YOD1: variants seen among roughly 807,000 people sequenced by gnomAD.
YOD1 encodes ubiquitin thioesterase OTU1.
A neutral mutation model predicts 23.7 loss-of-function variants in YOD1; 17 were observed. That is an observed-to-expected ratio of 0.72 (90% CI 0.49 to 1.07). YOD1 has a LOEUF of 1.07. Ranked by LOEUF, YOD1 falls within the 50% of genes least tolerant of loss-of-function variation. The pLI, the probability that YOD1 is intolerant of heterozygous loss-of-function variation, is 0.00. For missense variants in YOD1, 413 were observed against 447.2 expected (o/e 0.92, Z 0.69); for synonymous variants, 191 against 169.6 (o/e 1.13, Z -0.98).
At position 207,044,171 on chromosome 1, in the gene YOD1, G is replaced by A. The variant is rs1682537531; in HGVS notation, c.*4849C>T. ...CTCTAATTTGACGGTCTTTACTTGT[G>A]GTTTTCTTTTTGCGTTAGGAACCTC... On this transcript the variant is annotated 3_prime_UTR_variant, in exon 2 of 2. Coordinates refer to ENST00000315927, the MANE Select transcript of YOD1 (RefSeq NM_018566.4). 6.6e-6 allele frequency: 1 copy of A among 152,324 alleles called. No homozygotes were observed. The highest frequency in any genetic ancestry group is 1.5e-5 in the Non-Finnish European group (1 of 67,944). 9.4% of individuals were successfully genotyped at this position (152,324 alleles called of 1,614,324 possible).
Position 207,045,198 on chromosome 1 carries a change from C to T in YOD1, c.*3822G>A, listed in dbSNP as rs574965132. The T allele has an allele frequency of 6.6e-6, 1 of 152,324 alleles. No individual in the cohort carries two copies. Among genetic ancestry groups the T allele is most frequent in the Non-Finnish European group, 1.5e-5 (1 of 67,888 alleles). 9.4% of individuals were successfully genotyped at this position (152,324 alleles called of 1,614,324 possible). A position where few individuals can be genotyped will look rare whatever the true frequency, so the allele number is the denominator to read the frequency against. On this transcript the variant is annotated 3_prime_UTR_variant, in exon 2 of 2. Transcript: ENST00000315927. ...CTGCTTGGAAACAAGTTTTAAGGATCGAATCTTTTAGAAATTATCAGTCAT... is the reference window on the plus strand; with the variant it reads ...CTGCTTGGAAACAAGTTTTAAGGATTGAATCTTTTAGAAATTATCAGTCAT...
rs1285888655 is a variant in YOD1, at chr1:207,043,976, A to C, written c.*5044T>G. 1 of 152,650 alleles carries C rather than the reference A, an allele frequency of 6.6e-6. No homozygotes were observed. The highest frequency in any genetic ancestry group is 2.4e-5 in the African/African-American group (1 of 41,480). 9.5% of individuals were successfully genotyped at this position (152,650 alleles called of 1,614,324 possible). A position where few individuals can be genotyped will look rare whatever the true frequency, so the allele number is the denominator to read the frequency against. On this transcript the variant is annotated 3_prime_UTR_variant, in exon 2 of 2. Coordinates refer to ENST00000315927, the MANE Select transcript of YOD1 (RefSeq NM_018566.4). ...AATGGCAAAATCACATAAGAGTTGT[A>C]GAAAATGAAGTTAGACATCTTCCAG...
rs1682630434 is a variant in YOD1, at chr1:207,047,641, C to T, written c.*1379G>A. 6.6e-6 allele frequency: 1 copy of T among 152,578 alleles called. No individual in the cohort carries two copies. Among genetic ancestry groups the T allele is most frequent in the Non-Finnish European group, 1.5e-5 (1 of 68,010 alleles). The allele number at this position is 152,578 out of a possible 1,614,324, so 9.5% of individuals were successfully genotyped here. On this transcript the variant is annotated 3_prime_UTR_variant, in exon 2 of 2. Coordinates refer to ENST00000315927, the MANE Select transcript of YOD1 (RefSeq NM_018566.4). ...AATAATTAAGAAAAGAGGTAGAAAA[C>T]TTTTATCTGGAAGATCTTGTAGTGA...
chr1:207,051,101 G>A lies in YOD1; in HGVS notation c.-71C>T. 1.4e-6 allele frequency: 2 copies of A among 1,434,826 alleles called. No homozygotes were observed. The highest frequency in any genetic ancestry group is 9.1e-7 in the Non-Finnish European group (1 of 1,098,826). 88.9% of individuals were successfully genotyped at this position (1,434,826 alleles called of 1,614,324 possible). On this transcript the variant is annotated 5_prime_UTR_variant, in exon 1 of 2. Coordinates refer to ENST00000315927, the MANE Select transcript of YOD1 (RefSeq NM_018566.4). ...GGCTTCTGCCTTAGTACCTTAGCAAGCGCGAACTCTTTTAAAGTGACAACT... is the reference window on the plus strand; with the variant it reads ...GGCTTCTGCCTTAGTACCTTAGCAAACGCGAACTCTTTTAAAGTGACAACT...
upstream of YOD1, among the ~76,000 whole-genome samples, chr1:207,051,451 G>A (rs571276911): frequency 6.6e-6 from 1 of 152,234 alleles, no homozygotes; most frequent in Non-Finnish European, 1.5e-5. Context: ...TCACACTTGT[G>A]ACTAGACTCG....
At position 207,048,555 on chromosome 1, in the gene YOD1, GCCTTC is replaced by G; in HGVS notation, c.*460_*464del. 1 of 157,034 alleles carries G rather than the reference GCCTTC, an allele frequency of 6.4e-6. No homozygotes were observed. The highest frequency in any genetic ancestry group is 1.9e-4 in the South Asian group (1 of 5,276). The allele number at this position is 157,034 out of a possible 1,614,324, so 9.7% of individuals were successfully genotyped here. On this transcript the variant is annotated 3_prime_UTR_variant, in exon 2 of 2. Transcript: ENST00000315927. ...TAAATGTCCAGTGGACTCACAGGAG[GCCTTC>G]CACATTACCCAAAATGTGATGCTTT...
chr1:207,050,418 G>A (rs1171063455), intron 1 of YOD1, among the ~76,000 whole-genome samples: 2 of 152,190 alleles, frequency 1.3e-5, no homozygotes, highest in Admixed American at 6.5e-5. Flanking sequence ...AAAACAAAAT[G>A]GGATAGTTTC....
intron 1 of YOD1, among the ~76,000 whole-genome samples, 169 bp downstream of exon 1, chr1:207,050,519 C>A (rs1367033412): frequency 6.6e-6 from 1 of 152,212 alleles, no homozygotes; most frequent in Non-Finnish European, 1.5e-5. Flanking sequence ...TTGCTAGACA[C>A]TTGCCCTGGC....
chr1:207,050,567 C>G, intron 1 of YOD1, 121 bp downstream of exon 1: 1 of 1,323,244 alleles, frequency 7.6e-7, no homozygotes, highest in Non-Finnish European at 1.0e-6. Flanking sequence ...CTATCCTCGC[C>G]CCTGGCCTCA....
chr1:207,050,178 C>T (rs554220111), intron 1 of YOD1, among the ~76,000 whole-genome samples: 1 of 152,172 alleles, frequency 6.6e-6, no homozygotes, highest in Admixed American at 6.5e-5. Flanking sequence ...TGATATGGCA[C>T]AGAAATAACT....
rs922216925 is a variant in YOD1 at position 207,051,135 on chromosome 1, C to T, written c.-105G>A. Reference sequence around the variant, plus strand: ...CTTTTAAAGTGACAACTGATTTTTCCCCCACCCTCAGAACGAAGATGTAAA... The same window carrying T: ...CTTTTAAAGTGACAACTGATTTTTCTCCCACCCTCAGAACGAAGATGTAAA... On this transcript the variant is annotated 5_prime_UTR_variant, in exon 1 of 2. Coordinates refer to ENST00000315927, the MANE Select transcript of YOD1 (RefSeq NM_018566.4). 5.6e-6 allele frequency: 8 copies of T among 1,421,062 alleles called. No individual in the cohort carries two copies. The African/African-American group carries it at 1.0e-4, about 18-fold the overall frequency. 88.0% of individuals were successfully genotyped at this position (1,421,062 alleles called of 1,614,324 possible). A position where few individuals can be genotyped will look rare whatever the true frequency, so the allele number is the denominator to read the frequency against.
rs1572708131 is a variant in YOD1 at position 207,046,295 on chromosome 1, A to G, written c.*2725T>C. On this transcript the variant is annotated 3_prime_UTR_variant, in exon 2 of 2. Coordinates refer to ENST00000315927, the MANE Select transcript of YOD1 (RefSeq NM_018566.4). Reference sequence around the variant, plus strand: ...GACATTTAATCCTCCTGAAAGTTGTAAGTCCATAGATTTTCAAAATTCCCA... The same window carrying G: ...GACATTTAATCCTCCTGAAAGTTGTGAGTCCATAGATTTTCAAAATTCCCA... 1 of 152,216 alleles carries G rather than the reference A, an allele frequency of 6.6e-6. No homozygotes were observed. Among genetic ancestry groups the G allele is most frequent in the Admixed American group, 6.5e-5 (1 of 15,300 alleles). 9.4% of individuals were successfully genotyped at this position (152,216 alleles called of 1,614,324 possible).
At chr1:207,049,891 G>T (rs1244014901) in intron 1 of YOD1, among the ~76,000 whole-genome samples, 168 bp from the exon 2 acceptor site, 1 of 152,162 alleles carries the variant, frequency 6.6e-6, no homozygotes, top group Non-Finnish European at 1.5e-5. Flanking sequence ...TTTGTTCACT[G>T]AATTTTCATA....
rs1170105081 is a variant in YOD1, at chr1:207,048,791, C to A, written c.*229G>T. On this transcript the variant is annotated 3_prime_UTR_variant, in exon 2 of 2. Coordinates refer to ENST00000315927, the MANE Select transcript of YOD1 (RefSeq NM_018566.4). Reference sequence around the variant, plus strand: ...GGCAAGGATCACCTATTCTGTCACTCCAGCAGAAAGAGGCATGTATGTACA... The same window carrying A: ...GGCAAGGATCACCTATTCTGTCACTACAGCAGAAAGAGGCATGTATGTACA... 4.0e-6 allele frequency: 2 copies of A among 494,514 alleles called. No individual in the cohort carries two copies. The highest frequency in any genetic ancestry group is 1.9e-5 in the African/African-American group (1 of 51,626). The allele number at this position is 494,514 out of a possible 1,614,324, so 30.6% of individuals were successfully genotyped here.
At position 207,050,992 on chromosome 1, in the gene YOD1, G is replaced by A. The variant is rs765201156; in HGVS notation, c.39C>T (p.His13=). 14 of 1,533,034 alleles carry A rather than the reference G, an allele frequency of 9.1e-6. No individual in the cohort carries two copies. Among genetic ancestry groups the A allele is most frequent in the African/African-American group, 1.4e-5 (1 of 72,408 alleles). 95.0% of individuals were successfully genotyped at this position (1,533,034 alleles called of 1,614,324 possible). A position where few individuals can be genotyped will look rare whatever the true frequency, so the allele number is the denominator to read the frequency against. ...CGCCGCCGGGGAAACCAGGCGCCGG[G>A]TGGACTCCAAAATGGCGACCTTTAG... ...GPAKGRHFGV[H]PAPGFPGGVS... Residue 13 remains histidine, a synonymous_variant, in exon 1 of 2, where the codon CAC becomes CAT. Transcript: ENST00000315927.
rs765201156 is a variant in YOD1, at chr1:207,050,992, G to T, written c.39C>A (p.His13Gln). 3.3e-6 allele frequency: 5 copies of T among 1,533,152 alleles called. No homozygotes were observed. The highest frequency in any genetic ancestry group is 2.4e-5 in the South Asian group (2 of 84,124). 95.0% of individuals were successfully genotyped at this position (1,533,152 alleles called of 1,614,324 possible). ...CGCCGCCGGGGAAACCAGGCGCCGG[G>T]TGGACTCCAAAATGGCGACCTTTAG... ...GPAKGRHFGV[H>Q]PAPGFPGGVS... Residue 13 changes from histidine (H) to glutamine (Q), a missense_variant, in exon 1 of 2, where the codon CAC becomes CAA. His to Gln is a conservative substitution (Grantham distance 24). Transcript: ENST00000315927.
chr1:207,049,505 G>C lies in YOD1; in HGVS notation c.562C>G (p.Gln188Glu). The C allele has an allele frequency of 6.2e-7, 1 of 1,614,112 alleles. No homozygotes were observed. The highest frequency in any genetic ancestry group is 8.5e-7 in the Non-Finnish European group (1 of 1,180,022). ...CAPEMRRLIA[Q>E]IVASDPDFYS... ...AAGTCTGGATCGCTTGCTACAATTT[G>C]TGCTATGAGGCGTCTCATCTCAGGG... Residue 188 changes from glutamine (Q) to glutamate (E), a missense_variant, in exon 2 of 2, where the codon CAA becomes GAA. Physicochemically the swap from Gln to Glu is conservative, Grantham distance 29 (BLOSUM62 2). Transcript: ENST00000315927.
chr1:207,050,951 GC>G lies in YOD1; in HGVS notation c.79del (p.Ala27ProfsTer92). 6.4e-7 allele frequency: 1 copy of G among 1,570,358 alleles called. No individual in the cohort carries two copies. The highest frequency in any genetic ancestry group is 2.4e-5 in the East Asian group (1 of 42,384). ...GFPGGVSQQA[A>X]GTKAGPAGAW... is the part of the protein sequence containing the mutation. ...ACCCGCGGGGCCAGCTTTGGTCCCG[GC>G]AGCCTGTTGGGAGACGCCGCCGGGG... On this transcript the variant is annotated frameshift_variant, in exon 1 of 2. Coordinates refer to ENST00000315927, the MANE Select transcript of YOD1 (RefSeq NM_018566.4). LOFTEE classifies it high-confidence loss of function.
chr1:207,049,190 C>A lies in YOD1; in HGVS notation c.877G>T (p.Val293Phe). The A allele has an allele frequency of 6.2e-7, 1 of 1,614,010 alleles. No homozygotes were observed. Among genetic ancestry groups the A allele is most frequent in the Non-Finnish European group, 8.5e-7 (1 of 1,180,016 alleles). ...GCTAATTCCAGTGCTTGTACAAGAACAATATCATCATTAGAGGAGAAAATG... is the reference window on the plus strand; with the variant it reads ...GCTAATTCCAGTGCTTGTACAAGAAAAATATCATCATTAGAGGAGAAAATG... ...LTIFSSNDDI[V>F]LVQALELADE... The change falls in exon 2 of 2, where the codon GTT becomes TTT. Residue 293 changes from valine to phenylalanine, a missense_variant. Val to Phe is a conservative substitution (Grantham distance 50). Transcript: ENST00000315927.
Sources: gnomAD v4.1 joint callset for allele counts (sites outside exome capture counted in the v4.1 genomes callset) on GRCh38, gnomAD v4.1.1 for gene constraint, MANE v1.5 for transcripts, NCBI Gene and HGNC (gene_info 2026-07-23, HGNC 2026-07-21) for gene names.